Variants in SEC14L5 observed in about 807,000 individuals in gnomAD.
SEC14L5 encodes the protein SEC14 like lipid binding 5.
SEC14L5 carries 96 observed loss-of-function variants against 84.6 expected under a neutral mutation model. That is an observed-to-expected ratio of 1.13 (90% confidence interval 0.96 to 1.34). The LOEUF is 1.34. SEC14L5 is among the 40% of genes most tolerant of loss of function. The pLI, the probability that SEC14L5 is intolerant of heterozygous loss-of-function variation, is 0.00. For missense variants in SEC14L5, 1,224 were observed against 942.5 expected (o/e 1.30, Z -3.91); for synonymous variants, 546 against 383.4 (o/e 1.42, Z -4.95).
rs947862127 is a variant in SEC14L5 at position 5,016,468 on chromosome 16, A to C, written c.*1498A>C. 1 of 152,238 alleles carries C rather than the reference A, an allele frequency of 6.6e-6. No homozygotes were observed. The highest frequency in any genetic ancestry group is 6.5e-5 in the Admixed American group (1 of 15,286). The allele number at this position is 152,238 out of a possible 1,614,324, so 9.4% of individuals were successfully genotyped here. On this transcript the variant is annotated 3_prime_UTR_variant, in exon 16 of 16. Transcript: ENST00000251170. ...AGCAGAATGGGGTCACTATTGTTGC[A>C]TGAAGACAACACCTCTGCACCCCTG...
chr16:4,985,286 C>CGTG (rs1467024142), intron 2 of SEC14L5, among the ~76,000 whole-genome samples: 1 of 152,022 alleles, frequency 6.6e-6, no homozygotes, highest in African/African-American at 2.4e-5. Context: ...AGTGCAATGG[C>CGTG]ACAATGTCGC....
At position 5,007,398 on chromosome 16, in the gene SEC14L5, C is replaced by A; in HGVS notation, c.1484C>A (p.Thr495Lys). Reference sequence around the variant, plus strand: ...CTGGTCCCCAAGTCCCTCTACATGACAGAAGAGGAGCAGGAGCACACGGAC... The same window carrying A: ...CTGGTCCCCAAGTCCCTCTACATGAAAGAAGAGGAGCAGGAGCACACGGAC... Reference protein sequence around the residue: ...GGLVPKSLYMTEEEQEHTDQL... With the variant: ...GGLVPKSLYMKEEEQEHTDQL... The change falls in exon 13 of 16, where the codon ACA becomes AAA. Residue 495 changes from threonine to lysine, a missense_variant. Thr to Lys is a moderately conservative substitution (Grantham distance 78). Transcript: ENST00000251170. The A allele has an allele frequency of 6.2e-7, 1 of 1,613,384 alleles. No individual in the cohort carries two copies. The highest frequency in any genetic ancestry group is 8.5e-7 in the Non-Finnish European group (1 of 1,179,396).
intron 1 of SEC14L5, among the ~76,000 whole-genome samples, chr16:4,958,651 T>C (rs1955082983): frequency 6.6e-6 from 1 of 152,150 alleles, no homozygotes; most frequent in Non-Finnish European, 1.5e-5. Flanking sequence ...TGTGTGTGCG[T>C]GTGTGCACGT....
Position 5,000,675 on chromosome 16 carries a change from C to G in SEC14L5, c.991C>G (p.Leu331Val). 6.4e-7 allele frequency: 1 copy of G among 1,551,750 alleles called. No individual in the cohort carries two copies. The highest frequency in any genetic ancestry group is 8.7e-7 in the Non-Finnish European group (1 of 1,147,196). ...QDIDGRPLYI[L>V]RLGQMDTKGL... ...CAAAGATGGCCGCCCCCTCTACATC[C>G]TCCGCCTGGGCCAGATGGACACCAA... The change falls in exon 9 of 16, where the codon CTC becomes GTC. Residue 331 changes from leucine to valine, a missense_variant. Leu to Val is a conservative substitution (Grantham distance 32, BLOSUM62 1). Transcript: ENST00000251170.
At chr16:5,011,961 G>C (rs1047877020) in intron 15 of SEC14L5, among the ~76,000 whole-genome samples, 1 of 152,318 alleles carries the variant, frequency 6.6e-6, no homozygotes, top group African/African-American at 2.4e-5. Flanking sequence ...TTTGCACCCT[G>C]CTTCATGATG....
rs201015692 is a variant in SEC14L5, at chr16:4,996,894, C to T, written c.820C>T (p.His274Tyr). The T allele has an allele frequency of 5.0e-6, 8 of 1,613,718 alleles. No individual in the cohort carries two copies. The East Asian group carries it at 1.3e-4, about 27-fold the overall frequency. Reference sequence around the variant, plus strand: ...GCACATCCTTCGGTTCCTGCGGGCTCATGACTTCCACCTGGACAAGGCCCG... The same window carrying T: ...GCACATCCTTCGGTTCCTGCGGGCTTATGACTTCCACCTGGACAAGGCCCG... ...DEHILRFLRA[H>Y]DFHLDKAREM... The change falls in exon 8 of 16, where the codon CAT becomes TAT. Residue 274 changes from histidine (H) to tyrosine (Y), a missense_variant. Physicochemically the swap from His to Tyr is moderately conservative, Grantham distance 83. Coordinates refer to ENST00000251170, the MANE Select transcript of SEC14L5 (RefSeq NM_014692.2).
chr16:5,000,629 C>G (rs959176562), intron 8 of SEC14L5, 26 bp from the exon 9 acceptor site: 2 of 1,531,862 alleles, frequency 1.3e-6, no homozygotes, highest in African/African-American at 1.4e-5. Context: ...ACGGGCTCTT[C>G]TTTCTGCTTG....
chr16:4,958,835 T>G (rs556425176), intron 1 of SEC14L5, among the ~76,000 whole-genome samples: 1 of 152,152 alleles, frequency 6.6e-6, no homozygotes, highest in East Asian at 1.9e-4. Flanking sequence ...TGTGTGTGTA[T>G]GTCAGGGTGT....
At chr16:4,971,857 A>G (rs533194708) in intron 2 of SEC14L5, among the ~76,000 whole-genome samples, 1 of 152,254 alleles carries the variant, frequency 6.6e-6, no homozygotes, top group Non-Finnish European at 1.5e-5. Flanking sequence ...CTGAACGTCT[A>G]CAATGTCCCA....
chr16:5,003,534 C>T lies in SEC14L5; in HGVS notation c.1263C>T (p.Ile421=), dbSNP rs775906718. 15 of 1,389,346 alleles carry T rather than the reference C, an allele frequency of 1.1e-5. No individual in the cohort carries two copies. The highest frequency in any genetic ancestry group is 8.2e-5 in the East Asian group (2 of 24,320). 86.1% of individuals were successfully genotyped at this position (1,389,346 alleles called of 1,614,324 possible). A position where few individuals can be genotyped will look rare whatever the true frequency, so the allele number is the denominator to read the frequency against. ...CAGAGACCCTGGGTCGGCTGCTCAT[C>T]GTGCGAGCCCCCCGAGTCTTCCCCG... ...NYPETLGRLL[I]VRAPRVFPVL... Residue 421 remains isoleucine (I), a synonymous_variant, in exon 11 of 16, where the codon ATC becomes ATT. Coordinates refer to ENST00000251170, the MANE Select transcript of SEC14L5 (RefSeq NM_014692.2).
At chr16:5,000,510 AG>A in intron 8 of SEC14L5, 144 bp from the exon 9 acceptor site, 1 of 629,284 alleles carries the variant, frequency 1.6e-6, no homozygotes, top group South Asian at 1.9e-5. Context: ...GGAAGCAGGC[AG>A]GGTGTTAGTA....
intron 2 of SEC14L5, among the ~76,000 whole-genome samples, chr16:4,962,699 A>AAC (rs1295877468): frequency 2.0e-5 from 3 of 147,224 alleles, no homozygotes; most frequent in African/African-American, 5.4e-5. Context: ...AAAAAAAAAA[A>AAC]AAAAAAAAAC....
intron 15 of SEC14L5, among the ~76,000 whole-genome samples, chr16:5,013,749 G>A (rs1021379688): frequency 3.0e-4 from 46 of 151,952 alleles, no homozygotes; most frequent in Non-Finnish European, 6.6e-4. Context: ...AGTGGAGACA[G>A]GTTTCGCCAT....
chr16:4,995,290 A>G (rs193021087), intron 6 of SEC14L5, among the ~76,000 whole-genome samples: 41 of 152,292 alleles, frequency 2.7e-4, no homozygotes, highest in African/African-American at 9.9e-4. Context: ...CCTCATGGCT[A>G]AGAGTGGGGG....
chr16:4,967,971 C>G (rs1353572320), intron 2 of SEC14L5, among the ~76,000 whole-genome samples: 1 of 137,702 alleles, frequency 7.3e-6, no homozygotes, highest in Non-Finnish European at 1.6e-5. Context: ...CTTCCCCTCC[C>G]TTCCCCTCCC....
In SEC14L5 at chr16:4,969,179, G is replaced by A. The variant is rs188425170; in HGVS notation, c.63+9793G>A. Among the ~76,000 whole-genome samples the A allele has an allele frequency of 4.6e-5, 7 of 152,362 alleles. No homozygotes were observed. The East Asian group carries it at 1.4e-3, about 29-fold the overall frequency. On this transcript the variant is annotated intron_variant, in intron 2 of 15. Transcript: ENST00000251170. ...CAGAGGTGATCCACTGCCCTGCATA[G>A]TTGTCTTCTGATTTCCGAGGGCCCT...
At chr16:5,010,565 C>A (rs1567130290) in intron 14 of SEC14L5, among the ~76,000 whole-genome samples, 1 of 152,154 alleles carries the variant, frequency 6.6e-6, no homozygotes, top group African/African-American at 2.4e-5. Flanking sequence ...CACCGAAGTT[C>A]CCGGTGGGGA....
chr16:4,979,476 T>C (rs978801630), intron 2 of SEC14L5, among the ~76,000 whole-genome samples: 7 of 152,192 alleles, frequency 4.6e-5, no homozygotes, highest in African/African-American at 1.7e-4. Context: ...GTGAGCCCAG[T>C]GTATGCCTCG....
intron 2 of SEC14L5, among the ~76,000 whole-genome samples, chr16:4,968,742 T>A (rs990981084): frequency 6.6e-6 from 1 of 152,228 alleles, no homozygotes; most frequent in Admixed American, 6.5e-5. Flanking sequence ...CCCAGTAGCG[T>A]CAGGTCATCT....
Sources: allele counts gnomAD v4.1 joint callset (sites outside exome capture counted in the v4.1 genomes callset), GRCh38; gene constraint gnomAD v4.1.1; transcripts MANE v1.5; gene names NCBI Gene and HGNC (gene_info 2026-07-23, HGNC 2026-07-21).